The following COLEC12 variants were observed in gnomAD, a reference collection of about 807,000 sequenced individuals.
COLEC12 encodes collectin subfamily member 12, also known as collectin-12.
In COLEC12, 33 loss-of-function variants were observed where a neutral mutation model predicts 71.1. The ratio of observed to expected loss-of-function variants is 0.46; its 90% CI spans 0.35 to 0.62. The LOEUF (loss-of-function observed/expected upper bound fraction) is 0.62, where lower values mean the gene tolerates loss of function less well. Ranked by LOEUF, COLEC12 falls within the 20% of genes least tolerant of loss-of-function variation. The probability of loss-of-function intolerance (pLI) is 0.00; values close to 1 mark genes in which losing one functional copy is unlikely to be tolerated. For synonymous variants in COLEC12, 350 were observed against 353.0 expected (o/e 0.99, Z 0.10); for missense variants, 765 against 916.1 (o/e 0.84, Z 2.13).
intron 5 of COLEC12, among the ~76,000 whole-genome samples, chr18:340,267 A>G (rs1226527325): frequency 6.6e-6 from 1 of 152,082 alleles, no homozygotes; most frequent in East Asian, 1.9e-4. Flanking sequence ...CGGGTGGCTC[A>G]CTGGCTCGGG....
At chr18:457,897 T>C (rs1336605566) in intron 2 of COLEC12, among the ~76,000 whole-genome samples, 1 of 152,162 alleles carries the variant, frequency 6.6e-6, no homozygotes. Flanking sequence ...TGGCAGGATA[T>C]AGGTAGTTTT....
Position 324,582 on chromosome 18 carries a change from A to T in COLEC12, c.2064-2775T>A, listed in dbSNP as rs376202173. ...GGTGGCTCACACCTGTAATCCCAGC[A>T]CTTTGGGAGGCCGAGGTGGGTGGAT... On this transcript the variant is annotated intron_variant, in intron 8 of 9. Coordinates refer to ENST00000400256, the MANE Select transcript of COLEC12 (RefSeq NM_130386.3). 1.7e-4 allele frequency among the ~76,000 whole-genome samples: 26 copies of T among 152,312 alleles called. 2 individuals carry two copies. The highest frequency in any genetic ancestry group is 3.4e-3 in the Middle Eastern group (1 of 294).
intron 1 of COLEC12, among the ~76,000 whole-genome samples, chr18:486,750 GCTA>G (rs1279007929): frequency 6.6e-6 from 1 of 152,172 alleles, no homozygotes; most frequent in Non-Finnish European, 1.5e-5. Flanking sequence ...TAAAGGTGAG[GCTA>G]AAATAGGAGG....
chr18:355,857 C>T (rs1208645220), intron 3 of COLEC12, among the ~76,000 whole-genome samples: 2 of 152,270 alleles, frequency 1.3e-5, no homozygotes, highest in Non-Finnish European at 2.9e-5. Flanking sequence ...CTCTGCCCAG[C>T]GCTAATCATG....
chr18:482,360 C>A (rs1426921893), intron 1 of COLEC12, among the ~76,000 whole-genome samples: 4 of 152,054 alleles, frequency 2.6e-5, no homozygotes, highest in African/African-American at 9.7e-5. Context: ...GTGATCCACC[C>A]ACCTCAGCCT....
chr18:331,880 G>A, intron 7 of COLEC12, 103 bp from the exon 8 acceptor site: 2 of 718,864 alleles, frequency 2.8e-6, no homozygotes, highest in Non-Finnish European at 4.8e-6. Context: ...TTTAAAAGAG[G>A]ATGGTTGTCA....
chr18:382,665 TA>T (rs1915258358), intron 2 of COLEC12, among the ~76,000 whole-genome samples: 1 of 152,194 alleles, frequency 6.6e-6, no homozygotes, highest in African/African-American at 2.4e-5. Context: ...ACAGCCACAT[TA>T]TAGGATTATT....
At chr18:368,644 CATG>C (rs1282426343) in intron 2 of COLEC12, among the ~76,000 whole-genome samples, 1 of 151,966 alleles carries the variant, frequency 6.6e-6, no homozygotes, top group East Asian at 1.9e-4. Context: ...GTGGGCGGAT[CATG>C]AGGTCAGGAG....
At chr18:440,269 G>A (rs1045127575) in intron 2 of COLEC12, among the ~76,000 whole-genome samples, 3 of 151,910 alleles carry the variant, frequency 2.0e-5, no homozygotes, top group Non-Finnish European at 4.4e-5. Context: ...TAAGTTCGGA[G>A]GATCTAATAA....
intron 2 of COLEC12, among the ~76,000 whole-genome samples, chr18:446,686 C>T (rs1048763202): frequency 4.6e-5 from 7 of 151,788 alleles, no homozygotes; most frequent in Non-Finnish European, 8.8e-5. Flanking sequence ...AAATAGTTTA[C>T]TAATTTCAAA....
intron 2 of COLEC12, among the ~76,000 whole-genome samples, chr18:359,826 G>T (rs1914705034): frequency 6.6e-6 from 1 of 152,204 alleles, no homozygotes; most frequent in Non-Finnish European, 1.5e-5. Context: ...CTTTTGATGG[G>T]TAAGTCATGA....
chr18:350,323 G>T (rs1360361851), intron 3 of COLEC12, among the ~76,000 whole-genome samples: 1 of 151,820 alleles, frequency 6.6e-6, no homozygotes, highest in East Asian at 1.9e-4. Context: ...AGTGCCTTTT[G>T]CCTCCCACCA....
chr18:329,099 G>A (rs1598326643), intron 8 of COLEC12, among the ~76,000 whole-genome samples: 1 of 152,168 alleles, frequency 6.6e-6, no homozygotes, highest in Non-Finnish European at 1.5e-5. Flanking sequence ...CCAGTAAGGT[G>A]TCTGGTGACG....
chr18:423,186 T>C (rs137865227), intron 2 of COLEC12, among the ~76,000 whole-genome samples: 1,838 of 152,238 alleles, frequency 0.012, 41 homozygotes, highest in African/African-American at 0.042. Context: ...GGAGGACTGC[T>C]TGAGCCCAGG....
At chr18:464,204 C>T (rs1451973256) in intron 2 of COLEC12, among the ~76,000 whole-genome samples, 5 of 152,200 alleles carry the variant, frequency 3.3e-5, no homozygotes, top group South Asian at 2.1e-4. Context: ...TTGTTCCATG[C>T]GAGTCACTTT....
At chr18:412,340 G>A (rs888606640) in intron 2 of COLEC12, among the ~76,000 whole-genome samples, 5 of 152,032 alleles carry the variant, frequency 3.3e-5, no homozygotes, top group African/African-American at 9.7e-5. Flanking sequence ...GAAAAAAACT[G>A]ATAACCCAGA....
chr18:483,209 G>A (rs983413222), intron 1 of COLEC12, among the ~76,000 whole-genome samples: 1 of 151,888 alleles, frequency 6.6e-6, no homozygotes, highest in African/African-American at 2.4e-5. Flanking sequence ...AGGCCAGCCT[G>A]GCCAACATGG....
At chr18:326,353 T>G (rs1913841551) in intron 8 of COLEC12, among the ~76,000 whole-genome samples, 1 of 152,094 alleles carries the variant, frequency 6.6e-6, no homozygotes, top group African/African-American at 2.4e-5. Context: ...TCCTTTTTGT[T>G]TTTGTTTTTT....
intron 8 of COLEC12, among the ~76,000 whole-genome samples, chr18:329,492 A>G (rs1460401274): frequency 6.6e-6 from 1 of 152,138 alleles, no homozygotes; most frequent in Non-Finnish European, 1.5e-5. Context: ...CCAACCTTCT[A>G]CAGCTACTGT....
Sources: gnomAD v4.1 joint callset for allele counts (sites outside exome capture counted in the v4.1 genomes callset) on GRCh38, gnomAD v4.1.1 for gene constraint, MANE v1.5 for transcripts, NCBI Gene and HGNC (gene_info 2026-07-23, HGNC 2026-07-21) for gene names.